The following KHDRBS2 variants were observed in gnomAD, a reference collection of about 807,000 sequenced individuals.
KHDRBS2 encodes KH domain-containing, RNA-binding, signal transduction-associated protein 2.
Under a neutral mutation model 44.3 loss-of-function variants are expected in KHDRBS2, and 26 were observed. That is an observed-to-expected ratio of 0.59 (90% CI 0.43 to 0.81). The LOEUF is 0.81. Ranked by LOEUF, KHDRBS2 falls within the 40% of genes least tolerant of loss-of-function variation. The probability of loss-of-function intolerance (pLI) is 0.00; values close to 1 mark genes in which losing one functional copy is unlikely to be tolerated. For synonymous variants in KHDRBS2, 194 were observed against 151.1 expected, an observed-to-expected ratio of 1.28 and a Z score of -2.08; for missense variants, 476 against 433.1, an observed-to-expected ratio of 1.10 and a Z score of -0.88.
chr6:61,775,093 C>A (rs56162232), intron 6 of KHDRBS2, among the ~76,000 whole-genome samples: 1 of 151,974 alleles, frequency 6.6e-6, no homozygotes, highest in African/African-American at 2.4e-5. Context: ...ATTCAACAAC[C>A]CTTCATGCTA....
Position 62,202,273 on chromosome 6 carries a change from G to T in KHDRBS2, c.92-24961C>A, listed in dbSNP as rs1395197413. 8.6e-5 allele frequency among the ~76,000 whole-genome samples: 13 copies of T among 152,042 alleles called. No individual in the cohort carries two copies. In the East Asian group the frequency reaches 2.5e-3, roughly 29 times the overall value. ...GTTCTTAGAGACTCCCACACCAACTGTGACTAATATTTGACCTTCCAATCC... is the reference window on the plus strand; with the variant it reads ...GTTCTTAGAGACTCCCACACCAACTTTGACTAATATTTGACCTTCCAATCC... On this transcript the variant is annotated intron_variant, in intron 1 of 8. Coordinates refer to ENST00000281156, the MANE Select transcript of KHDRBS2 (RefSeq NM_152688.4).
intron 1 of KHDRBS2, among the ~76,000 whole-genome samples, chr6:62,242,428 A>G (rs1209157862): frequency 6.6e-6 from 1 of 152,152 alleles, no homozygotes; most frequent in Non-Finnish European, 1.5e-5. Context: ...TGCACATTAC[A>G]GGATATTTAG....
At chr6:62,141,759 G>A (rs1451196202) in intron 2 of KHDRBS2, among the ~76,000 whole-genome samples, 1 of 151,944 alleles carries the variant, frequency 6.6e-6, no homozygotes, top group Admixed American at 6.6e-5. Flanking sequence ...TAATGAAAAG[G>A]GTAAGTGGAT....
chr6:62,135,382 T>C (rs1352223792), intron 2 of KHDRBS2, among the ~76,000 whole-genome samples: 1 of 152,178 alleles, frequency 6.6e-6, no homozygotes, highest in Non-Finnish European at 1.5e-5. Flanking sequence ...TTTTCCTTTA[T>C]GAGTTACCCA....
intron 2 of KHDRBS2, among the ~76,000 whole-genome samples, chr6:62,136,935 T>G (rs539953523): frequency 1.3e-5 from 2 of 152,100 alleles, no homozygotes; most frequent in East Asian, 1.9e-4. Flanking sequence ...TCCCTTCTAT[T>G]TGGTCTGACC....
At chr6:61,784,258 G>A (rs1339749283) in intron 6 of KHDRBS2, among the ~76,000 whole-genome samples, 1 of 151,646 alleles carries the variant, frequency 6.6e-6, no homozygotes, top group African/African-American at 2.4e-5. Context: ...TTCTCATTAA[G>A]CATATGAAAA....
At chr6:61,876,508 A>AG (rs1178130466) in intron 6 of KHDRBS2, among the ~76,000 whole-genome samples, 2 of 151,710 alleles carry the variant, frequency 1.3e-5, no homozygotes, top group African/African-American at 4.8e-5. Flanking sequence ...TCTTCTAAAA[A>AG]AATATGAGGA....
At chr6:61,809,434 T>C (rs1787747731) in intron 6 of KHDRBS2, among the ~76,000 whole-genome samples, 1 of 152,194 alleles carries the variant, frequency 6.6e-6, no homozygotes, top group African/African-American at 2.4e-5. Flanking sequence ...AGGATATTAC[T>C]GCACACAAGC....
chr6:61,562,192 C>T, the KHDRBS2 span, among the ~76,000 whole-genome samples: 6 of 152,138 alleles, frequency 3.9e-5, no homozygotes, highest in South Asian at 4.1e-4. Context: ...CTAGGAAAAT[C>T]GACAGTCTGT....
chr6:61,702,106 G>T (rs1333621292), intron 7 of KHDRBS2, among the ~76,000 whole-genome samples: 1 of 151,758 alleles, frequency 6.6e-6, no homozygotes, highest in Non-Finnish European at 1.5e-5. Flanking sequence ...AGAGCATTGG[G>T]CTATAGAAGA....
chr6:62,179,282 T>C (rs1821776620), intron 1 of KHDRBS2, among the ~76,000 whole-genome samples: 1 of 151,694 alleles, frequency 6.6e-6, no homozygotes, highest in South Asian at 2.1e-4. Flanking sequence ...TAAAGACAAG[T>C]ATCTTGAACT....
At chr6:61,660,080 TC>T in the KHDRBS2 span, among the ~76,000 whole-genome samples, 5 of 151,838 alleles carry the variant, frequency 3.3e-5, no homozygotes, top group African/African-American at 1.2e-4. Context: ...CTGGGACACA[TC>T]TGAGAGTAAA....
Position 62,230,072 on chromosome 6 carries a change from G to A in KHDRBS2, c.92-52760C>T, listed in dbSNP as rs573323428. On this transcript the variant is annotated intron_variant, in intron 1 of 8. Coordinates refer to ENST00000281156, the MANE Select transcript of KHDRBS2 (RefSeq NM_152688.4). ...TCTAAAATTGCTGTAGCGGTGGTGG[G>A]CAAGCACCTTCCTTGCTGAAAATCT... 7.7e-4 allele frequency among the ~76,000 whole-genome samples: 117 copies of A among 152,272 alleles called. 1 individual carries two copies. The Middle Eastern group carries it at 0.014, about 18-fold the overall frequency.
At position 61,983,245 on chromosome 6, in the gene KHDRBS2, T is replaced by TC. The variant is rs1376239482; in HGVS notation, c.337-5034_337-5033insG. Among the ~76,000 whole-genome samples, 461 of 139,542 alleles carry TC rather than the reference T, an allele frequency of 3.3e-3. 1 individual carries two copies. Among genetic ancestry groups the TC allele is most frequent in the African/African-American group, 6.7e-3 (249 of 37,034 alleles). 91.5% of individuals were successfully genotyped at this position (139,542 alleles called of 152,430 possible). A position where few individuals can be genotyped will look rare whatever the true frequency, so the allele number is the denominator to read the frequency against. On this transcript the variant is annotated intron_variant, in intron 3 of 8. Coordinates refer to ENST00000281156, the MANE Select transcript of KHDRBS2 (RefSeq NM_152688.4). ...CTTTCTTTCTTTCTTTCTTTTTTTTTTTTTTTTTTTTTATAGTGACTAAGT... is the reference window on the plus strand; with the variant it reads ...CTTTCTTTCTTTCTTTCTTTTTTTTTCTTTTTTTTTTTTATAGTGACTAAGT...
chr6:61,848,545 ATATATACATATATATATG>A lies in KHDRBS2; in HGVS notation c.810+46072_810+46089del, dbSNP rs1562294936. 2.3e-4 allele frequency among the ~76,000 whole-genome samples: 12 copies of A among 52,082 alleles called. 3 individuals carry two copies. The African/African-American group carries it at 2.3e-3, about 10-fold the overall frequency. The allele number at this position is 52,082 out of a possible 152,430, so 34.2% of individuals were successfully genotyped here. The stretch of plus-strand genomic sequence containing the variant: ...TATATATATATACATATATATGTAT[ATATATACATATATATATG>A]TATATATATATACATATATATATAT... On this transcript the variant is annotated intron_variant, in intron 6 of 8. Transcript: ENST00000281156.
At chr6:62,147,968 A>G (rs1814299217) in intron 2 of KHDRBS2, among the ~76,000 whole-genome samples, 2 of 152,172 alleles carry the variant, frequency 1.3e-5, no homozygotes, top group South Asian at 4.1e-4. Context: ...GATACATTCC[A>G]CAGGATGTAG....
At chr6:62,098,926 CTATTA>C (rs146352157) in intron 2 of KHDRBS2, among the ~76,000 whole-genome samples, 12,213 of 151,936 alleles carry the variant, frequency 0.08, 511 homozygotes, top group African/African-American at 0.11. Context: ...TTGATGCTCT[CTATTA>C]TATTTTTTAT....
intron 6 of KHDRBS2, among the ~76,000 whole-genome samples, chr6:61,876,491 C>T (rs1267018664): frequency 7.4e-6 from 1 of 135,530 alleles, no homozygotes; most frequent in East Asian, 2.4e-4. Context: ...TATTAGTGTA[C>T]CTACATTCTT....
chr6:61,980,796 A>T lies in KHDRBS2; in HGVS notation c.337-2584T>A, dbSNP rs115827047. On this transcript the variant is annotated intron_variant, in intron 3 of 8. Transcript: ENST00000281156. ...CACAACTCTGCAGGACAGAGGACTG[A>T]CTTTACAAATATTCTTTTCTGATTA... 9.4e-3 allele frequency among the ~76,000 whole-genome samples: 1,431 copies of T among 152,312 alleles called. 12 individuals are homozygous for T. Among genetic ancestry groups the T allele is most frequent in the Non-Finnish European group, 0.016 (1,086 of 68,026 alleles).
Sources: gnomAD v4.1 joint callset for allele counts (sites outside exome capture counted in the v4.1 genomes callset) on GRCh38, gnomAD v4.1.1 for gene constraint, MANE v1.5 for transcripts, NCBI Gene and HGNC (gene_info 2026-07-23, HGNC 2026-07-21) for gene names.